DNM3: variants seen among roughly 807,000 people sequenced by gnomAD.
The protein encoded by DNM3 is dynamin-3.
In DNM3, 47 loss-of-function variants were observed where a neutral mutation model predicts 101.6. That is an observed-to-expected ratio of 0.46 (90% confidence interval 0.37 to 0.59). DNM3 has a LOEUF of 0.59. DNM3 is among the 20% of genes least tolerant of loss of function. The probability of loss-of-function intolerance (pLI) is 0.00; values close to 1 mark genes in which losing one functional copy is unlikely to be tolerated. For missense variants in DNM3, 849 were observed against 1,085.7 expected (o/e 0.78, Z 3.06); for synonymous variants, 385 against 387.9 (o/e 0.99, Z 0.09).
chr1:171,863,699 G>A (rs1295965061), intron 1 of DNM3, among the ~76,000 whole-genome samples: 2 of 152,078 alleles, frequency 1.3e-5, no homozygotes, highest in Non-Finnish European at 2.9e-5. Context: ...CCTGCTGAAC[G>A]ACTAAGGTTC....
chr1:172,192,407 G>A (rs1161307579), intron 14 of DNM3, among the ~76,000 whole-genome samples: 2 of 150,316 alleles, frequency 1.3e-5, no homozygotes, highest in African/African-American at 4.9e-5. Flanking sequence ...TTAAGTTTTA[G>A]GGTACATGTG....
intron 18 of DNM3, among the ~76,000 whole-genome samples, chr1:172,385,718 C>G (rs900525349): frequency 3.9e-5 from 6 of 152,196 alleles, no homozygotes; most frequent in Non-Finnish European, 5.9e-5. Context: ...TTTGGAGCAT[C>G]TGACAGCTGT....
intron 14 of DNM3, among the ~76,000 whole-genome samples, chr1:172,245,966 G>A (rs1557875473): frequency 6.6e-6 from 1 of 152,166 alleles, no homozygotes; most frequent in Non-Finnish European, 1.5e-5. Flanking sequence ...GCATGACTGG[G>A]AGGCCTCAAG....
intron 14 of DNM3, chr1:172,137,653 GA>G (rs1246964446): frequency 2.0e-5 from 3 of 152,094 alleles, no homozygotes; most frequent in Non-Finnish European, 4.4e-5. Context: ...TGTTAAATGT[GA>G]AAAAAGTTTT....
chr1:172,248,741 A>T (rs1268063838), intron 14 of DNM3, among the ~76,000 whole-genome samples: 1 of 152,180 alleles, frequency 6.6e-6, no homozygotes, highest in African/African-American at 2.4e-5. Context: ...TCAGTTAAGC[A>T]TTTCATATAG....
At chr1:172,190,681 T>G (rs1197257941) in intron 14 of DNM3, among the ~76,000 whole-genome samples, 1 of 152,166 alleles carries the variant, frequency 6.6e-6, no homozygotes, top group Non-Finnish European at 1.5e-5. Context: ...GCACCTGTTG[T>G]TTCCTGACTT....
intron 4 of DNM3, among the ~76,000 whole-genome samples, chr1:172,020,651 G>A (rs1429091932): frequency 6.7e-6 from 1 of 149,860 alleles, no homozygotes; most frequent in East Asian, 2.0e-4. Context: ...GTGAACCCGG[G>A]AGGTGGAGCT....
At chr1:172,027,437 T>C (rs2048285026) in intron 4 of DNM3, among the ~76,000 whole-genome samples, 1 of 151,936 alleles carries the variant, frequency 6.6e-6, no homozygotes. Flanking sequence ...AAAAATTAGC[T>C]GGGCGTGGTG....
At chr1:172,171,910 T>A (rs2058974709) in intron 14 of DNM3, among the ~76,000 whole-genome samples, 2 of 151,560 alleles carry the variant, frequency 1.3e-5, no homozygotes, top group South Asian at 2.1e-4. Context: ...GAAAAGGGGA[T>A]GGGGGATTAT....
chr1:172,281,067 TTG>T lies in DNM3; in HGVS notation c.1769+27409_1769+27410del, dbSNP rs141875053. 1.0e-2 allele frequency among the ~76,000 whole-genome samples: 1,480 copies of T among 148,238 alleles called. 15 individuals carry two copies. Among genetic ancestry groups the T allele is most frequent in the African/African-American group, 0.03 (1,229 of 40,556 alleles). ...TTATGAAAAACTAAATGTGATAATATTGTGTGTGTGTGTGTGTGTGTGTGTAT... is the reference window on the plus strand; with the variant it reads ...TTATGAAAAACTAAATGTGATAATATTGTGTGTGTGTGTGTGTGTGTGTAT... On this transcript the variant is annotated intron_variant, in intron 15 of 20. Coordinates refer to ENST00000627582, the MANE Select transcript of DNM3 (RefSeq NM_015569.5).
chr1:172,411,362 G>A lies in DNM3; in HGVS notation c.*3521G>A. ...TAGACATTTGTATCTGAATCCACAA[G>A]AAGATCTGAATCTAAGAAGGAATTA... On this transcript the variant is annotated 3_prime_UTR_variant, in exon 21 of 21. Coordinates refer to ENST00000627582, the MANE Select transcript of DNM3 (RefSeq NM_015569.5). The A allele has an allele frequency of 1.0e-6, 1 of 984,996 alleles. No individual in the cohort carries two copies. The highest frequency in any genetic ancestry group is 1.2e-6 in the Non-Finnish European group (1 of 829,678). The allele number at this position is 984,996 out of a possible 1,614,324, so 61.0% of individuals were successfully genotyped here.
chr1:171,917,150 CTA>C (rs1338468688), intron 1 of DNM3, among the ~76,000 whole-genome samples: 2 of 152,186 alleles, frequency 1.3e-5, no homozygotes, highest in African/African-American at 2.4e-5. Flanking sequence ...TTCTAGGAAA[CTA>C]TGAGTTATGC....
chr1:172,359,627 T>TA (rs11463354), intron 17 of DNM3, among the ~76,000 whole-genome samples: 54,957 of 141,908 alleles, frequency 0.39, 11,000 homozygotes, highest in African/African-American at 0.55. Flanking sequence ...TTCAGAAAAA[T>TA]AAAAAAAAAA....
chr1:172,268,310 T>C (rs536477142), intron 15 of DNM3, among the ~76,000 whole-genome samples: 2 of 152,116 alleles, frequency 1.3e-5, no homozygotes, highest in South Asian at 4.1e-4. Flanking sequence ...TTTTGAAAGT[T>C]GATTCCAAGT....
At chr1:171,922,621 A>T (rs142279591) in intron 2 of DNM3, among the ~76,000 whole-genome samples, 33 of 152,334 alleles carry the variant, frequency 2.2e-4, no homozygotes, top group Middle Eastern at 3.4e-3. Context: ...ATGTGCAACC[A>T]TCTCCACAAT....
intron 1 of DNM3, among the ~76,000 whole-genome samples, chr1:171,898,437 T>A (rs9425464): frequency 0.6 from 91,513 of 151,880 alleles, 27,827 homozygotes; most frequent in East Asian, 0.68. Context: ...ATACAAGTGA[T>A]TATATTTATG....
intron 1 of DNM3, among the ~76,000 whole-genome samples, chr1:171,859,447 G>A (rs1244849410): frequency 6.6e-6 from 1 of 152,028 alleles, no homozygotes; most frequent in Non-Finnish European, 1.5e-5. Context: ...TCTTTTATTT[G>A]TTTATCTTCA....
intron 9 of DNM3, among the ~76,000 whole-genome samples, chr1:172,048,306 C>T (rs2295610): frequency 0.35 from 53,237 of 151,986 alleles, 10,214 homozygotes; most frequent in East Asian, 0.64. Context: ...TCACTCGCTG[C>T]TCCACAAAGG....
intron 1 of DNM3, among the ~76,000 whole-genome samples, chr1:171,862,343 A>T (rs2034263090): frequency 6.6e-6 from 1 of 152,210 alleles, no homozygotes; most frequent in Non-Finnish European, 1.5e-5. Flanking sequence ...CCAAATGCCC[A>T]CCAATTGATC....
Sources: gnomAD v4.1 joint callset for allele counts (sites outside exome capture counted in the v4.1 genomes callset) on GRCh38, gnomAD v4.1.1 for gene constraint, MANE v1.5 for transcripts, NCBI Gene and HGNC (gene_info 2026-07-23, HGNC 2026-07-21) for gene names.